Variants in PRIMPOL observed in about 807,000 individuals in gnomAD.
The protein encoded by PRIMPOL is DNA-directed primase/polymerase protein.
Under a neutral mutation model 63.6 loss-of-function variants are expected in PRIMPOL, and 54 were observed. The ratio of observed to expected loss-of-function variants is 0.85; its 90% CI spans 0.68 to 1.07. The LOEUF (loss-of-function observed/expected upper bound fraction) is 1.07, where lower values mean the gene tolerates loss of function less well. PRIMPOL is among the 50% of genes least tolerant of loss of function. The pLI, the probability that PRIMPOL is intolerant of heterozygous loss-of-function variation, is 0.00. For missense variants in PRIMPOL, 610 were observed against 648.3 expected (o/e 0.94, Z 0.64); for synonymous variants, 197 against 220.2 (o/e 0.89, Z 0.93).
intron 3 of PRIMPOL, among the ~76,000 whole-genome samples, chr4:184,658,876 C>G (rs1747402009): frequency 1.3e-5 from 2 of 150,568 alleles, no homozygotes; most frequent in Non-Finnish European, 2.9e-5. Context: ...CCACTGCACT[C>G]CGGCCTGGGC....
At position 184,654,453 on chromosome 4, in the gene PRIMPOL, G is replaced by GTTTTTTTTTTTTGTTT. The variant is rs869026768; in HGVS notation, c.-60+2365_-60+2366insGTTTTTTTTTTTTTTT. ...CACTTTGTATTGACAAGTTAAAGCA[G>GTTTTTTTTTTTTGTTT]TTTTTTTTTTTTTTTGAGACAGAGT... On this transcript the variant is annotated intron_variant, in intron 2 of 13. Transcript: ENST00000314970. Among the ~76,000 whole-genome samples, 10 of 33,556 alleles carry GTTTTTTTTTTTTGTTT rather than the reference G, an allele frequency of 3.0e-4. 1 individual carries two copies. The highest frequency in any genetic ancestry group is 4.0e-4 in the Non-Finnish European group (7 of 17,688). 22.0% of individuals were successfully genotyped at this position (33,556 alleles called of 152,430 possible). A position where few individuals can be genotyped will look rare whatever the true frequency, so the allele number is the denominator to read the frequency against.
chr4:184,664,865 G>T (rs1024340391), intron 5 of PRIMPOL, among the ~76,000 whole-genome samples: 1 of 152,148 alleles, frequency 6.6e-6, no homozygotes, highest in East Asian at 1.9e-4. Flanking sequence ...TCTATAAAGA[G>T]AAAAAGAGTA....
intron 5 of PRIMPOL, among the ~76,000 whole-genome samples, chr4:184,664,157 GA>G (rs1264822765): frequency 6.6e-6 from 1 of 152,132 alleles, no homozygotes; most frequent in African/African-American, 2.4e-5. Flanking sequence ...TTAATCTTGG[GA>G]AATAGAATTT....
At chr4:184,690,277 G>A (rs1302466962) in intron 11 of PRIMPOL, among the ~76,000 whole-genome samples, 2 of 152,050 alleles carry the variant, frequency 1.3e-5, no homozygotes, top group African/African-American at 4.8e-5. Flanking sequence ...AAAGTTACTG[G>A]CAAAAGTTGT....
chr4:184,654,099 T>C (rs1274225256), intron 2 of PRIMPOL, among the ~76,000 whole-genome samples: 1 of 152,238 alleles, frequency 6.6e-6, no homozygotes, highest in African/African-American at 2.4e-5. Context: ...GACTCCATGA[T>C]GTTCCTGTAT....
At chr4:184,686,790 T>C (rs913043155) in intron 11 of PRIMPOL, among the ~76,000 whole-genome samples, 3 of 152,148 alleles carry the variant, frequency 2.0e-5, no homozygotes, top group Non-Finnish European at 4.4e-5. Flanking sequence ...TTCAGTGCCA[T>C]ACTTGATATA....
At position 184,657,249 on chromosome 4, in the gene PRIMPOL, G is replaced by A. The variant is rs770703041; in HGVS notation, c.109G>A (p.Glu37Lys). Reference sequence around the variant, plus strand: ...TAGACCAAGATTGTCCAAGCCAGAAGAACCACCCTCCATCTGGAGACTATT... The same window carrying A: ...TAGACCAAGATTGTCCAAGCCAGAAAAACCACCCTCCATCTGGAGACTATT... Reference protein sequence around the residue: ...VYRPRLSKPEEPPSIWRLFHR... With the variant: ...VYRPRLSKPEKPPSIWRLFHR... The change falls in exon 3 of 14, where the codon GAA becomes AAA. Residue 37 changes from glutamate to lysine, a missense_variant. This residue lies in a region of PRIMPOL where 159 missense variants were observed against 168.9 expected (regional missense o/e 0.94). Transcript: ENST00000314970. The A allele has an allele frequency of 1.9e-6, 3 of 1,613,966 alleles. No homozygotes were observed. The South Asian group carries it at 3.3e-5, about 18-fold the overall frequency.
At chr4:184,692,240 G>A (rs1758780829) in intron 13 of PRIMPOL, among the ~76,000 whole-genome samples, 1 of 152,072 alleles carries the variant, frequency 6.6e-6, no homozygotes, top group African/African-American at 2.4e-5. Context: ...TTGAGAGGCT[G>A]AGGCAGGCAG....
At chr4:184,684,539 A>AGGCCGGGCGCGGTGGC (rs1292265123) in intron 9 of PRIMPOL, among the ~76,000 whole-genome samples, 1 of 152,178 alleles carries the variant, frequency 6.6e-6, no homozygotes, top group African/African-American at 2.4e-5. Context: ...ATATAATTGT[A>AGGCCGGGCGCGGTGGC]TTGTCAGTAC....
At chr4:184,650,515 A>G (rs1273790539) in intron 1 of PRIMPOL, among the ~76,000 whole-genome samples, 2 of 152,206 alleles carry the variant, frequency 1.3e-5, no homozygotes, top group Admixed American at 6.5e-5. Context: ...TTATTAAAGT[A>G]TAGTATGCTT....
intron 1 of PRIMPOL, among the ~76,000 whole-genome samples, chr4:184,650,299 A>G (rs1010482327): frequency 5.3e-5 from 8 of 152,216 alleles, no homozygotes; most frequent in African/African-American, 7.2e-5. Flanking sequence ...TAACGAACCA[A>G]TCCAGAGGGA....
At chr4:184,659,292 G>T in intron 3 of PRIMPOL, 48 bp from the exon 4 acceptor site, 2 of 1,407,006 alleles carry the variant, frequency 1.4e-6, no homozygotes, top group South Asian at 2.3e-5. Flanking sequence ...GTTGAGTTTA[G>T]GTTTGCATTT....
At position 184,685,442 on chromosome 4, in the gene PRIMPOL, A is replaced by G. The variant is rs781355987; in HGVS notation, c.1130A>G (p.Tyr377Cys). 1.9e-6 allele frequency: 3 copies of G among 1,613,064 alleles called. No homozygotes were observed. Among genetic ancestry groups the G allele is most frequent in the Admixed American group, 1.7e-5 (1 of 60,000 alleles). Residue 377 changes from tyrosine (Y) to cysteine (C), a missense_variant, in exon 10 of 14, where the codon TAT becomes TGT. This residue lies in a region of PRIMPOL where 444 missense variants were observed against 456.4 expected (regional missense o/e 0.97). Coordinates refer to ENST00000314970, the MANE Select transcript of PRIMPOL (RefSeq NM_152683.4). ...ATTGAAGGTTTTCAGTGTTCTCCCT[A>G]TCCTGAAGTTGATCATTTTGTTCTT... ...ETIEGFQCSPYPEVDHFVLSL... is the reference protein window; with the variant it reads ...ETIEGFQCSPCPEVDHFVLSL...
Position 184,660,421 on chromosome 4 carries a change from T to C in PRIMPOL, c.278+984T>C, listed in dbSNP as rs533301001. On this transcript the variant is annotated intron_variant, in intron 4 of 13. Coordinates refer to ENST00000314970, the MANE Select transcript of PRIMPOL (RefSeq NM_152683.4). ...CTCTCGAGCTCCTGACCTCAGATGATCTGCCTGCCTCGGCCTCCCAAAGTG... is the reference window on the plus strand; with the variant it reads ...CTCTCGAGCTCCTGACCTCAGATGACCTGCCTGCCTCGGCCTCCCAAAGTG... Among the ~76,000 whole-genome samples, 227 of 152,252 alleles carry C rather than the reference T, an allele frequency of 1.5e-3. 2 individuals are homozygous for C. Among genetic ancestry groups the C allele is most frequent in the African/African-American group, 5.3e-3 (221 of 41,542 alleles).
chr4:184,666,699 T>C (rs1466741601), intron 6 of PRIMPOL, among the ~76,000 whole-genome samples: 1 of 152,218 alleles, frequency 6.6e-6, no homozygotes, highest in Non-Finnish European at 1.5e-5. Context: ...TTATCTGCAA[T>C]CTCATTTCTG....
intron 11 of PRIMPOL, among the ~76,000 whole-genome samples, chr4:184,688,199 G>C (rs1757504664): frequency 6.6e-6 from 1 of 152,132 alleles, no homozygotes; most frequent in Non-Finnish European, 1.5e-5. Context: ...GACTTGCTGT[G>C]TCGTGGAATA....
At chr4:184,659,654 A>G (rs1423227193) in intron 4 of PRIMPOL, among the ~76,000 whole-genome samples, 1 of 152,196 alleles carries the variant, frequency 6.6e-6, no homozygotes, top group Non-Finnish European at 1.5e-5. Context: ...ACACGAATAT[A>G]TGCGTGTACT....
chr4:184,656,413 T>G (rs541139432), intron 2 of PRIMPOL, among the ~76,000 whole-genome samples: 1 of 152,284 alleles, frequency 6.6e-6, no homozygotes, highest in East Asian at 1.9e-4. Context: ...CCTATTCTTT[T>G]TCTTTTGTAA....
At chr4:184,692,281 CTGGCCAACA>C (rs915267052) in intron 13 of PRIMPOL, among the ~76,000 whole-genome samples, 2 of 151,888 alleles carry the variant, frequency 1.3e-5, no homozygotes, top group Non-Finnish European at 2.9e-5. Context: ...TGAGACCGGC[CTGGCCAACA>C]TGGAGAAACC....
Sources: allele counts gnomAD v4.1 joint callset (sites outside exome capture counted in the v4.1 genomes callset), GRCh38; gene constraint gnomAD v4.1.1; regional missense constraint gnomAD v4.1.1; transcripts MANE v1.5; gene names NCBI Gene and HGNC (gene_info 2026-07-23, HGNC 2026-07-21).